The following CDH13 variants were observed in gnomAD, a reference collection of about 807,000 sequenced individuals.
CDH13 encodes the protein cadherin 13.
A neutral mutation model predicts 63.8 loss-of-function variants in CDH13; 24 were observed. That is an observed-to-expected ratio of 0.38 (90% CI 0.27 to 0.53). The LOEUF is 0.53. CDH13 is among the 20% of genes least tolerant of loss of function. CDH13 has a pLI of 0.85. For missense variants in CDH13, 1,049 were observed against 903.1 expected (o/e 1.16, Z -2.07); for synonymous variants, 503 against 355.3 (o/e 1.42, Z -4.67).
intron 8 of CDH13, among the ~76,000 whole-genome samples, chr16:83,620,608 C>G (rs1909724722): frequency 1.3e-5 from 2 of 152,080 alleles, no homozygotes; most frequent in African/African-American, 4.8e-5. Context: ...TAGTAAGTTT[C>G]AAGCTTAGGA....
At chr16:83,284,083 G>T (rs2089249997) in intron 5 of CDH13, among the ~76,000 whole-genome samples, 1 of 152,174 alleles carries the variant, frequency 6.6e-6, no homozygotes, top group African/African-American at 2.4e-5. Flanking sequence ...ATCAAACACA[G>T]TAGTTAGCTT....
intron 5 of CDH13, among the ~76,000 whole-genome samples, chr16:83,229,108 AT>A (rs1013751853): frequency 1.3e-5 from 2 of 152,196 alleles, no homozygotes; most frequent in Non-Finnish European, 2.9e-5. Context: ...AGGTGCTTGG[AT>A]TTTACTCTAA....
chr16:83,096,623 C>A (rs977923569), intron 3 of CDH13, among the ~76,000 whole-genome samples: 2 of 152,166 alleles, frequency 1.3e-5, no homozygotes, highest in African/African-American at 4.8e-5. Flanking sequence ...TGAGAAGCTG[C>A]GCTTTCCAGT....
intron 2 of CDH13, among the ~76,000 whole-genome samples, chr16:83,021,859 A>G (rs59667452): frequency 0.16 from 24,256 of 152,162 alleles, 3,013 homozygotes; most frequent in African/African-American, 0.35. Flanking sequence ...CCCAATACGC[A>G]TGTTCAGGAA....
intron 3 of CDH13, among the ~76,000 whole-genome samples, chr16:83,073,106 A>G (rs922206971): frequency 4.6e-5 from 7 of 152,168 alleles, no homozygotes; most frequent in Non-Finnish European, 8.8e-5. Context: ...CTGGAACCCC[A>G]TGAACCCCAT....
intron 4 of CDH13, among the ~76,000 whole-genome samples, chr16:83,201,293 A>G (rs1412161889): frequency 6.6e-6 from 1 of 152,182 alleles, no homozygotes; most frequent in Non-Finnish European, 1.5e-5. Flanking sequence ...TTATATTTAA[A>G]TGGTAAATAG....
chr16:83,698,128 G>A (rs951099722), intron 10 of CDH13, among the ~76,000 whole-genome samples: 2 of 152,200 alleles, frequency 1.3e-5, no homozygotes, highest in African/African-American at 2.4e-5. Flanking sequence ...GTTAGTTAAC[G>A]AATGAATTGC....
intron 5 of CDH13, among the ~76,000 whole-genome samples, chr16:83,292,190 A>G (rs1300556694): frequency 2.0e-5 from 3 of 152,216 alleles, no homozygotes; most frequent in Non-Finnish European, 4.4e-5. Flanking sequence ...ATGAACATAG[A>G]TATGGGCAAA....
chr16:82,867,398 A>G (rs754317730), intron 2 of CDH13, among the ~76,000 whole-genome samples: 1 of 152,186 alleles, frequency 6.6e-6, no homozygotes, highest in African/African-American at 2.4e-5. Context: ...GTTGCTTTTC[A>G]TAGCCAAGCT....
At chr16:83,330,976 C>G (rs772806262) in intron 5 of CDH13, among the ~76,000 whole-genome samples, 1 of 152,176 alleles carries the variant, frequency 6.6e-6, no homozygotes, top group South Asian at 2.1e-4. Context: ...ATAATATTTA[C>G]TTAATGATTG....
intron 4 of CDH13, among the ~76,000 whole-genome samples, chr16:83,206,786 G>T (rs975815605): frequency 6.6e-6 from 1 of 152,156 alleles, no homozygotes; most frequent in East Asian, 1.9e-4. Flanking sequence ...TGACTTGGGG[G>T]GACCCATTAT....
chr16:82,912,744 C>T (rs1189727225), intron 2 of CDH13, among the ~76,000 whole-genome samples: 2 of 152,068 alleles, frequency 1.3e-5, no homozygotes, highest in Non-Finnish European at 2.9e-5. Flanking sequence ...GAGATCGAAA[C>T]CATCCTGGCT....
chr16:83,786,843 C>T (rs561162032), intron 13 of CDH13, among the ~76,000 whole-genome samples: 1 of 152,280 alleles, frequency 6.6e-6, no homozygotes, highest in East Asian at 1.9e-4. Flanking sequence ...CTGCCTCGGC[C>T]TCCCAAAGTG....
intron 8 of CDH13, among the ~76,000 whole-genome samples, chr16:83,659,482 C>G (rs949609399): frequency 6.6e-6 from 1 of 152,256 alleles, no homozygotes; most frequent in African/African-American, 2.4e-5. Flanking sequence ...GATCTTAGAA[C>G]TAAAAGGGAC....
chr16:82,822,501 C>CT (rs1049983860), intron 1 of CDH13, among the ~76,000 whole-genome samples: 6 of 152,030 alleles, frequency 3.9e-5, no homozygotes, highest in Admixed American at 1.3e-4. Flanking sequence ...TTCCAGTTAT[C>CT]TTTTTTCTTT....
At chr16:83,019,797 G>T (rs1397726895) in intron 2 of CDH13, among the ~76,000 whole-genome samples, 2 of 135,326 alleles carry the variant, frequency 1.5e-5, no homozygotes, top group African/African-American at 5.6e-5. Context: ...TGCCCGGCCA[G>T]TAAACCTTTT....
At chr16:83,093,753 C>T (rs538978388) in intron 3 of CDH13, among the ~76,000 whole-genome samples, 2 of 152,292 alleles carry the variant, frequency 1.3e-5, no homozygotes, top group East Asian at 3.9e-4. Context: ...TCTTCTCAGT[C>T]CTTTGTCCAA....
intron 10 of CDH13, among the ~76,000 whole-genome samples, chr16:83,744,713 A>G (rs572031954): frequency 2.0e-5 from 3 of 152,272 alleles, no homozygotes; most frequent in South Asian, 4.1e-4. Context: ...GGCGCCCCGC[A>G]CAAGACCAAG....
intron 1 of CDH13, among the ~76,000 whole-genome samples, chr16:82,776,702 G>T (rs1260341924): frequency 1.3e-5 from 2 of 152,184 alleles, no homozygotes; most frequent in Non-Finnish European, 2.9e-5. Flanking sequence ...TTTCTCTCCA[G>T]ATTGAACACT....
Sources: gnomAD v4.1 joint callset for allele counts (sites outside exome capture counted in the v4.1 genomes callset) on GRCh38, gnomAD v4.1.1 for gene constraint, MANE v1.5 for transcripts, NCBI Gene and HGNC (gene_info 2026-07-23, HGNC 2026-07-21) for gene names.